The following TAF4B variants were observed in gnomAD, a reference collection of about 807,000 sequenced individuals.
TAF4B encodes TATA-box binding protein associated factor 4b, also known as transcription initiation factor TFIID subunit 4B.
In TAF4B, 38 loss-of-function variants were observed where a neutral mutation model predicts 86.4. The observed-to-expected ratio is 0.44, with a 90% CI of 0.34 to 0.58. The LOEUF (loss-of-function observed/expected upper bound fraction) is 0.58, where lower values mean the gene tolerates loss of function less well. Among genes scored for constraint, TAF4B ranks in the 20% least tolerant of loss-of-function variants. TAF4B has a pLI of 0.02. For missense variants in TAF4B, 988 were observed against 1,027.6 expected (o/e 0.96, Z 0.53); for synonymous variants, 388 against 391.2 (o/e 0.99, Z 0.10).
At chr18:26,326,190 C>T (rs534172528) in intron 11 of TAF4B, among the ~76,000 whole-genome samples, 2 of 152,162 alleles carry the variant, frequency 1.3e-5, no homozygotes, top group East Asian at 3.9e-4. Context: ...CCCTGTCCCC[C>T]ACTCCTGCCT....
intron 7 of TAF4B, among the ~76,000 whole-genome samples, chr18:26,288,660 A>AAAAC (rs1246923865): frequency 2.6e-5 from 4 of 152,076 alleles, no homozygotes; most frequent in Non-Finnish European, 5.9e-5. Context: ...AAAACAAAAC[A>AAAAC]AAAAACAGTC....
chr18:26,383,452 G>A (rs1233426117), intron 14 of TAF4B, among the ~76,000 whole-genome samples: 12 of 152,156 alleles, frequency 7.9e-5, no homozygotes. Context: ...CAATTTTCTG[G>A]CTTAGGCATT....
chr18:26,259,009 T>C (rs1474770622), intron 1 of TAF4B, among the ~76,000 whole-genome samples: 4 of 152,094 alleles, frequency 2.6e-5, no homozygotes, highest in Non-Finnish European at 4.4e-5. Context: ...AAATTTTAAA[T>C]GTCTTTGCCT....
intron 13 of TAF4B, among the ~76,000 whole-genome samples, chr18:26,357,045 G>A (rs1285658010): frequency 6.6e-6 from 1 of 152,060 alleles, no homozygotes; most frequent in Non-Finnish European, 1.5e-5. Flanking sequence ...ACTTTTATTT[G>A]CAAATGAGAA....
chr18:26,247,680 G>A (rs1237738573), intron 1 of TAF4B, among the ~76,000 whole-genome samples: 1 of 152,096 alleles, frequency 6.6e-6, no homozygotes, highest in African/African-American at 2.4e-5. Context: ...GCATGAGTTC[G>A]AGACCAGCCT....
chr18:26,315,982 C>T (rs2144667308), intron 10 of TAF4B, among the ~76,000 whole-genome samples: 1 of 152,178 alleles, frequency 6.6e-6, no homozygotes, highest in East Asian at 1.9e-4. Flanking sequence ...GTGGGCAGAT[C>T]ACATGAGTTC....
intron 6 of TAF4B, 125 bp from the exon 7 acceptor site, chr18:26,285,757 C>G (rs1019914416): frequency 8.4e-7 from 1 of 1,191,218 alleles, no homozygotes; most frequent in East Asian, 2.4e-5. Flanking sequence ...TACAAGCTGT[C>G]TTCAACTGAA....
chr18:26,355,594 G>A (rs1029028393), intron 13 of TAF4B, among the ~76,000 whole-genome samples: 6 of 152,126 alleles, frequency 3.9e-5, no homozygotes, highest in African/African-American at 1.4e-4. Flanking sequence ...CTAAAATTTT[G>A]TGTGAGAGAC....
chr18:26,329,939 G>T (rs1225918288), intron 12 of TAF4B, among the ~76,000 whole-genome samples: 1 of 151,996 alleles, frequency 6.6e-6, no homozygotes, highest in African/African-American at 2.4e-5. Flanking sequence ...CAAGTAGTTG[G>T]GAATACAGGC....
At chr18:26,360,440 TTGTC>T (rs1968505294) in intron 14 of TAF4B, among the ~76,000 whole-genome samples, 1 of 152,236 alleles carries the variant, frequency 6.6e-6, no homozygotes, top group African/African-American at 2.4e-5. Context: ...TTCTTTCAGT[TTGTC>T]TGGGCTTTAT....
chr18:26,276,073 A>G (rs746578688), intron 5 of TAF4B, among the ~76,000 whole-genome samples: 13 of 151,922 alleles, frequency 8.6e-5, no homozygotes, highest in Admixed American at 2.0e-4. Context: ...TCAGAAAGCC[A>G]GGCTATCAAT....
At chr18:26,318,166 T>G (rs2056930584) in intron 10 of TAF4B, among the ~76,000 whole-genome samples, 1 of 152,168 alleles carries the variant, frequency 6.6e-6, no homozygotes, top group East Asian at 1.9e-4. Context: ...TTGAAGTAGC[T>G]GGGACTACAG....
At chr18:26,272,739 G>C (rs1329401917) in intron 3 of TAF4B, among the ~76,000 whole-genome samples, 1 of 152,012 alleles carries the variant, frequency 6.6e-6, no homozygotes, top group Non-Finnish European at 1.5e-5. Flanking sequence ...TTATAAGATA[G>C]ACTAAAGAAA....
intron 1 of TAF4B, among the ~76,000 whole-genome samples, chr18:26,253,270 C>T (rs1384660904): frequency 6.6e-6 from 1 of 151,992 alleles, no homozygotes; most frequent in Non-Finnish European, 1.5e-5. Context: ...TTTTTTGGGT[C>T]TTTTTATCTG....
At chr18:26,335,059 C>T in intron 12 of TAF4B, 116 bp from the exon 13 acceptor site, 1 of 748,722 alleles carries the variant, frequency 1.3e-6, no homozygotes, top group Non-Finnish European at 2.2e-6. Context: ...AGGTATTTTC[C>T]CCTGGAGCTA....
At chr18:26,257,007 G>A (rs1162858349) in intron 1 of TAF4B, among the ~76,000 whole-genome samples, 1 of 152,036 alleles carries the variant, frequency 6.6e-6, no homozygotes, top group African/African-American at 2.4e-5. Context: ...GGTTTGTTTT[G>A]TGTCCTAGTA....
At chr18:26,272,053 C>T (rs911942659) in intron 3 of TAF4B, among the ~76,000 whole-genome samples, 1 of 151,800 alleles carries the variant, frequency 6.6e-6, no homozygotes, top group Non-Finnish European at 1.5e-5. Flanking sequence ...CAAATTGAAT[C>T]TCGGGTCACC....
intron 9 of TAF4B, among the ~76,000 whole-genome samples, chr18:26,310,711 G>T (rs1007067793): frequency 1.3e-5 from 2 of 152,112 alleles, no homozygotes; most frequent in Non-Finnish European, 2.9e-5. Context: ...GTACAAGAAG[G>T]TATGCAATGG....
At chr18:26,306,093 T>TC (rs2056791912) in intron 9 of TAF4B, among the ~76,000 whole-genome samples, 1 of 152,238 alleles carries the variant, frequency 6.6e-6, no homozygotes, top group African/African-American at 2.4e-5. Context: ...GGATCCGTGC[T>TC]CCATGTTTGC....
Sources: allele counts gnomAD v4.1 joint callset (sites outside exome capture counted in the v4.1 genomes callset), GRCh38; gene constraint gnomAD v4.1.1; transcripts MANE v1.5; gene names NCBI Gene and HGNC (gene_info 2026-07-23, HGNC 2026-07-21).